The following PAK1 variants were observed in gnomAD, a reference collection of about 807,000 sequenced individuals.
The protein encoded by PAK1 is p21 (RAC1) activated kinase 1.
In PAK1, 29 loss-of-function variants were observed where a neutral mutation model predicts 67.4. That is an observed-to-expected ratio of 0.43 (90% CI 0.32 to 0.59). PAK1 has a LOEUF of 0.59. PAK1 is among the 20% of genes least tolerant of loss of function. The pLI is 0.07. For synonymous variants in PAK1, 223 were observed against 237.4 expected (o/e 0.94, Z 0.56); for missense variants, 337 against 670.7 (o/e 0.50, Z 5.50).
chr11:77,410,441 A>G (rs1041383664), intron 1 of PAK1, among the ~76,000 whole-genome samples: 1 of 152,224 alleles, frequency 6.6e-6, no homozygotes, highest in African/African-American at 2.4e-5. Context: ...ATTTGGAGGT[A>G]AAAGCTAGAT....
At chr11:77,511,892 G>C in the PAK1 span, among the ~76,000 whole-genome samples, 5 of 152,264 alleles carry the variant, frequency 3.3e-5, no homozygotes, top group East Asian at 9.7e-4. Context: ...CTTGCAATAT[G>C]CATAACAAGG....
chr11:77,326,829 C>CAGTA (rs1443896424), intron 14 of PAK1, among the ~76,000 whole-genome samples: 1 of 152,092 alleles, frequency 6.6e-6, no homozygotes, highest in Non-Finnish European at 1.5e-5. Context: ...GATGATCAGA[C>CAGTA]TACTCTGAGC....
At chr11:77,441,180 T>C (rs1452060143) in intron 1 of PAK1, among the ~76,000 whole-genome samples, 1 of 151,280 alleles carries the variant, frequency 6.6e-6, no homozygotes, top group Non-Finnish European at 1.5e-5. Flanking sequence ...CGGTATTTAA[T>C]GCCCATCTCT....
chr11:77,401,957 T>C (rs951130999), intron 1 of PAK1, among the ~76,000 whole-genome samples: 5 of 152,144 alleles, frequency 3.3e-5, no homozygotes, highest in Non-Finnish European at 5.9e-5. Context: ...ACCTGGTAAT[T>C]AGCCAAGGTT....
the PAK1 span, among the ~76,000 whole-genome samples, chr11:77,502,774 G>T: frequency 1.3e-5 from 2 of 152,080 alleles, no homozygotes; most frequent in African/African-American, 4.8e-5. Context: ...CACAGACCTC[G>T]CAAGCTGGCA....
chr11:77,337,376 T>C lies in PAK1; in HGVS notation c.1164A>G (p.Arg388=). 1.2e-6 allele frequency: 2 copies of C among 1,612,312 alleles called. No individual in the cohort carries two copies. The highest frequency in any genetic ancestry group is 1.7e-6 in the Non-Finnish European group (2 of 1,178,512). Reference sequence around the variant, plus strand: ...ACAGAATATTGTCACTCTTGATGTCTCTGTGAATGACCTGGTTCGAATGCA... The same window carrying C: ...ACAGAATATTGTCACTCTTGATGTCCCTGTGAATGACCTGGTTCGAATGCA... ...EFLHSNQVIH[R]DIKSDNILLG... Residue 388 remains arginine, a synonymous_variant, in exon 12 of 15, where the codon AGA becomes AGG. Transcript: ENST00000356341.
the PAK1 span, among the ~76,000 whole-genome samples, chr11:77,498,142 C>T: frequency 1.3e-5 from 2 of 152,058 alleles, no homozygotes; most frequent in Admixed American, 1.3e-4. Context: ...CAAATAAAAT[C>T]TATAGTTTAG....
intron 1 of PAK1, among the ~76,000 whole-genome samples, chr11:77,431,869 A>C (rs12421190): frequency 0.063 from 9,554 of 152,250 alleles, 668 homozygotes; most frequent in East Asian, 0.24. Context: ...AAGTAACAAT[A>C]TGCCAATCCT....
chr11:77,423,489 G>A (rs1955394266), intron 1 of PAK1, among the ~76,000 whole-genome samples: 1 of 149,980 alleles, frequency 6.7e-6, no homozygotes, highest in South Asian at 2.1e-4. Flanking sequence ...TAATAAAGTA[G>A]GAGACAATTA....
Position 77,434,781 on chromosome 11 carries a change from G to A in PAK1, c.-22+38771C>T, listed in dbSNP as rs540170982. 7.2e-5 allele frequency among the ~76,000 whole-genome samples: 11 copies of A among 151,946 alleles called. No homozygotes were observed. The South Asian group carries it at 2.3e-3, about 32-fold the overall frequency. Reference sequence around the variant, plus strand: ...CTACAGGCATGCACCACCACGCCTGGCTAATTTTTGTATTTTTTGTAGAGA... The same window carrying A: ...CTACAGGCATGCACCACCACGCCTGACTAATTTTTGTATTTTTTGTAGAGA... On this transcript the variant is annotated intron_variant, in intron 1 of 14. Transcript: ENST00000356341.
At chr11:77,430,760 C>T (rs560665406) in intron 1 of PAK1, among the ~76,000 whole-genome samples, 15 of 152,198 alleles carry the variant, frequency 9.9e-5, no homozygotes, top group Non-Finnish European at 7.4e-5. Flanking sequence ...TGTTGTAAAG[C>T]GTTAGGAAAA....
chr11:77,331,775 TA>T (rs11292971), intron 14 of PAK1, among the ~76,000 whole-genome samples: 105,534 of 150,096 alleles, frequency 0.7, 37,786 homozygotes, highest in African/African-American at 0.85. Context: ...CCCTAAAACT[TA>T]AAAGTATAAT....
Position 77,355,759 on chromosome 11 carries a change from AT to A in PAK1, c.680del (p.Asn227IlefsTer9). The A allele has an allele frequency of 6.2e-7, 1 of 1,613,400 alleles. No individual in the cohort carries two copies. The highest frequency in any genetic ancestry group is 8.5e-7 in the Non-Finnish European group (1 of 1,179,408). On this transcript the variant is annotated frameshift_variant, in exon 7 of 15. Transcript: ENST00000356341. LOFTEE classifies it high-confidence loss of function. The part of the protein sequence containing the change: ...VATSPISPTE[N>X]NTTPPDALTR... Reference sequence around the variant, plus strand: ...TCAAAGCATCTGGTGGAGTGGTGTTATTTTCAGTAGGTGAAATGGGAGATGT... The same window carrying A: ...TCAAAGCATCTGGTGGAGTGGTGTTATTTCAGTAGGTGAAATGGGAGATGT...
Position 77,325,863 on chromosome 11 carries a change from G to A in PAK1, c.1552-2503C>T, listed in dbSNP as rs894705142. 3.3e-5 allele frequency among the ~76,000 whole-genome samples: 5 copies of A among 152,296 alleles called. No individual in the cohort carries two copies. In the East Asian group the frequency reaches 9.6e-4, roughly 29 times the overall value. On this transcript the variant is annotated intron_variant, in intron 14 of 14. Transcript: ENST00000356341. The stretch of plus-strand genomic sequence containing the variant: ...TGATATTCCAATGTGGGTTCTTCCA[G>A]TAATTTCATTCAATTCAATAAATAT...
At chr11:77,414,826 C>T (rs1954858761) in intron 1 of PAK1, among the ~76,000 whole-genome samples, 1 of 150,334 alleles carries the variant, frequency 6.7e-6, no homozygotes. Context: ...TCTAGATGAC[C>T]TTGGGTTTGG....
the PAK1 span, among the ~76,000 whole-genome samples, chr11:77,514,742 T>A: frequency 6.6e-6 from 1 of 152,096 alleles, no homozygotes; most frequent in Non-Finnish European, 1.5e-5. Context: ...TTTCCATAGC[T>A]CCTAACATGA....
intron 14 of PAK1, among the ~76,000 whole-genome samples, chr11:77,323,627 G>A (rs972228578): frequency 2.0e-5 from 3 of 152,032 alleles, no homozygotes; most frequent in Non-Finnish European, 2.9e-5. Flanking sequence ...GCCACCAAAA[G>A]ACATACACAG....
intron 1 of PAK1, among the ~76,000 whole-genome samples, chr11:77,464,986 AAG>A (rs1178137742): frequency 4.2e-5 from 4 of 95,768 alleles, no homozygotes; most frequent in Non-Finnish European, 8.4e-5. Context: ...ACATACATGA[AAG>A]AGTGTGTGTG....
chr11:77,462,300 C>T (rs1298106013), intron 1 of PAK1, among the ~76,000 whole-genome samples: 5 of 150,902 alleles, frequency 3.3e-5, no homozygotes, highest in African/African-American at 1.2e-4. Flanking sequence ...CACTGCACTC[C>T]AGCCTGGGCA....
Sources: gnomAD v4.1 joint callset for allele counts (sites outside exome capture counted in the v4.1 genomes callset) on GRCh38, gnomAD v4.1.1 for gene constraint, MANE v1.5 for transcripts, NCBI Gene and HGNC (gene_info 2026-07-23, HGNC 2026-07-21) for gene names.